CANX: variants seen among roughly 807,000 people sequenced by gnomAD.
The protein encoded by CANX is calnexin, also known as epididymis secretory sperm binding protein.
CANX carries 14 observed loss-of-function variants against 75.7 expected under a neutral mutation model. The observed-to-expected ratio is 0.19, with a 90% CI of 0.12 to 0.29. The LOEUF is 0.29. CANX is among the 10% of genes least tolerant of loss of function. The pLI, the probability that CANX is intolerant of heterozygous loss-of-function variation, is 1.00. For synonymous variants in CANX, 227 were observed against 236.9 expected (o/e 0.96, Z 0.38); for missense variants, 567 against 713.2 (o/e 0.79, Z 2.34).
At chr5:179,705,532 G>A (rs547219970) in intron 1 of CANX, 147 bp from the exon 2 acceptor site, 2 of 650,016 alleles carry the variant, frequency 3.1e-6, no homozygotes, top group South Asian at 2.0e-5. Context: ...TCTCTAGGCT[G>A]CCTTTCTTTA....
At chr5:179,707,583 C>CA (rs1200030925) in intron 4 of CANX, among the ~76,000 whole-genome samples, 11,605 of 56,390 alleles carry the variant, frequency 0.21, 1,169 homozygotes, top group East Asian at 0.32. Flanking sequence ...GACTCCGTCT[C>CA]AAAAAAAAAA....
intron 3 of CANX, 85 bp from the exon 4 acceptor site, chr5:179,707,047 G>A: frequency 1.2e-6 from 1 of 806,102 alleles, no homozygotes; most frequent in Non-Finnish European, 2.2e-6. Flanking sequence ...AGCAGAATAG[G>A]TCCTACTTTA....
chr5:179,705,603 TGA>T (rs1391658555), intron 1 of CANX, 74 bp from the exon 2 acceptor site: 4 of 1,025,876 alleles, frequency 3.9e-6, no homozygotes, highest in East Asian at 2.5e-5. Flanking sequence ...TAATTTTAAA[TGA>T]GAGAGTGGTT....
chr5:179,707,251 G>T, intron 4 of CANX, 61 bp downstream of exon 4: 1 of 942,562 alleles, frequency 1.1e-6, no homozygotes, highest in South Asian at 1.3e-5. Context: ...TTGTCTCCAT[G>T]GCATTTCCTA....
At chr5:179,703,291 C>G (rs1776893642) in intron 1 of CANX, among the ~76,000 whole-genome samples, 2 of 150,688 alleles carry the variant, frequency 1.3e-5, no homozygotes, top group South Asian at 4.2e-4. Flanking sequence ...CATCTCGGGT[C>G]ACTGCATCCT....
chr5:179,721,371 G>A (rs564163408), intron 10 of CANX, among the ~76,000 whole-genome samples: 25 of 152,346 alleles, frequency 1.6e-4, no homozygotes, highest in Admixed American at 3.9e-4. Context: ...GTTTCAGGCG[G>A]GAGCCACTGT....
At chr5:179,700,865 CT>C (rs530362570) in intron 1 of CANX, 4,861 of 138,380 alleles carry the variant, frequency 0.035, 88 homozygotes, top group Non-Finnish European at 0.041. Context: ...GTGTGGTAAC[CT>C]TTTTTTTTTT....
chr5:179,698,661 G>A (rs1197046732), upstream of CANX: 1 of 1,162,392 alleles, frequency 8.6e-7, no homozygotes, highest in South Asian at 1.3e-5. Flanking sequence ...CAACCGACGC[G>A]GGAACGCCTG....
intron 13 of CANX, 103 bp downstream of exon 13, chr5:179,724,886 T>C (rs967723270): frequency 5.5e-6 from 8 of 1,441,472 alleles, no homozygotes; most frequent in Non-Finnish European, 7.4e-6. Context: ...GCGTGGTGGC[T>C]CAAGCCTGTA....
intron 1 of CANX, among the ~76,000 whole-genome samples, chr5:179,681,874 A>G (rs1776072018): frequency 6.6e-6 from 1 of 151,618 alleles, no homozygotes; most frequent in African/African-American, 2.4e-5. Context: ...CCTGAGCCCA[A>G]GAGGTGAAAG....
At chr5:179,701,455 C>T (rs1365160691) in intron 1 of CANX, among the ~76,000 whole-genome samples, 1 of 151,566 alleles carries the variant, frequency 6.6e-6, no homozygotes, top group Non-Finnish European at 1.5e-5. Context: ...AATTAACCTC[C>T]AGCTACTCGG....
chr5:179,722,829 C>G lies in CANX; in HGVS notation c.1208C>G (p.Pro403Arg). The G allele has an allele frequency of 6.2e-7, 1 of 1,612,080 alleles. No homozygotes were observed. The highest frequency in any genetic ancestry group is 1.1e-5 in the South Asian group (1 of 90,888). Reference sequence around the variant, plus strand: ...GGAATCTGGAAACCCAGGAAAATACCAAATCCAGATTTCTTTGAAGATCTG... The same window carrying G: ...GGAATCTGGAAACCCAGGAAAATACGAAATCCAGATTTCTTTGAAGATCTG... ...YQGIWKPRKIPNPDFFEDLEP... is the reference protein window; with the variant it reads ...YQGIWKPRKIRNPDFFEDLEP... Residue 403 changes from proline (P) to arginine (R), a missense_variant, in exon 11 of 15, where the codon CCA becomes CGA. This residue lies in a region of CANX where 49 missense variants were observed against 100.1 expected (regional missense o/e 0.49). Coordinates refer to ENST00000247461, the MANE Select transcript of CANX (RefSeq NM_001746.4).
chr5:179,695,952 T>C (rs530696241), upstream of CANX, among the ~76,000 whole-genome samples: 26 of 152,164 alleles, frequency 1.7e-4, no homozygotes, highest in African/African-American at 2.6e-4. Context: ...TTTATTTTTT[T>C]AGACAGGGTG....
At chr5:179,724,004 C>T (rs1200837134) in intron 12 of CANX, among the ~76,000 whole-genome samples, 1 of 151,940 alleles carries the variant, frequency 6.6e-6, no homozygotes, top group African/African-American at 2.4e-5. Flanking sequence ...ATTATTTATC[C>T]TAATCTGTTA....
upstream of CANX, among the ~76,000 whole-genome samples, chr5:179,693,478 A>C (rs1332950792): frequency 1.3e-5 from 2 of 150,830 alleles, no homozygotes; most frequent in South Asian, 4.3e-4. Flanking sequence ...GTTTGAGACC[A>C]GCCTGGCCAA....
intron 1 of CANX, among the ~76,000 whole-genome samples, chr5:179,702,241 A>G (rs1776820337): frequency 6.7e-6 from 1 of 150,250 alleles, no homozygotes; most frequent in Non-Finnish European, 1.5e-5. Flanking sequence ...TTTCATAGAT[A>G]CTTCGCTTTG....
intron 4 of CANX, 40 bp downstream of exon 4, chr5:179,707,230 GGTTTGACAT>G: frequency 9.4e-7 from 1 of 1,058,730 alleles, no homozygotes; most frequent in Non-Finnish European, 1.5e-6. Flanking sequence ...AGCAGATAGA[GGTTTGACAT>G]GTTGTCTCCA....
chr5:179,681,120 G>A, intron 1 of CANX: 1 of 575,026 alleles, frequency 1.7e-6, no homozygotes, highest in East Asian at 2.9e-5. Flanking sequence ...ACAAGAAGGG[G>A]TGCTGACCGC....
At chr5:179,682,631 A>C (rs568823090) in intron 1 of CANX, among the ~76,000 whole-genome samples, 1 of 143,780 alleles carries the variant, frequency 7.0e-6, no homozygotes, top group African/African-American at 2.6e-5. Flanking sequence ...AATCGCTTGA[A>C]CCCAGGAGGC....
Sources: gnomAD v4.1 joint callset for allele counts (sites outside exome capture counted in the v4.1 genomes callset) on GRCh38, gnomAD v4.1.1 for gene constraint, gnomAD v4.1.1 regional missense constraint, MANE v1.5 for transcripts, NCBI Gene and HGNC (gene_info 2026-07-23, HGNC 2026-07-21) for gene names.